SF3B3: variants seen among roughly 807,000 people sequenced by gnomAD.
SF3B3 encodes SAP 130.
Under a neutral mutation model 139.2 loss-of-function variants are expected in SF3B3, and 33 were observed. The observed-to-expected ratio is 0.24, with a 90% CI of 0.18 to 0.32. The LOEUF is 0.32. Among genes scored for constraint, SF3B3 ranks in the 10% least tolerant of loss-of-function variants. The probability of loss-of-function intolerance (pLI) is 1.00; values close to 1 mark genes in which losing one functional copy is unlikely to be tolerated. For synonymous variants in SF3B3, 596 were observed against 563.6 expected, an observed-to-expected ratio of 1.06 and a Z score of -0.81; for missense variants, 818 against 1,509.4, an observed-to-expected ratio of 0.54 and a Z score of 7.59.
chr16:70,557,133 C>T (rs1226249393), intron 15 of SF3B3, 104 bp downstream of exon 15: 8 of 1,247,126 alleles, frequency 6.4e-6, no homozygotes, highest in Non-Finnish European at 7.7e-6. Flanking sequence ...GTTTCAGATC[C>T]TCACCTTATG....
chr16:70,535,237 A>G (rs143523192), intron 5 of SF3B3, 71 bp from the exon 6 acceptor site: 3 of 684,440 alleles, frequency 4.4e-6, no homozygotes, highest in Non-Finnish European at 7.6e-6. Flanking sequence ...GCTGAAAGAG[A>G]GGAGGAGTTG....
chr16:70,535,816 A>G (rs988432393), intron 6 of SF3B3, among the ~76,000 whole-genome samples: 16 of 152,084 alleles, frequency 1.1e-4, no homozygotes, highest in Non-Finnish European at 5.9e-5. Flanking sequence ...AAAACAATGA[A>G]CAATGAATTC....
rs559370627 is a variant in SF3B3 at position 70,562,224 on chromosome 16, T to C, written c.2288+440T>C. 4.4e-4 allele frequency among the ~76,000 whole-genome samples: 67 copies of C among 152,326 alleles called. 1 individual carries two copies. Among genetic ancestry groups the C allele is most frequent in the African/African-American group, 1.5e-3 (64 of 41,590 alleles). The stretch of plus-strand genomic sequence containing the variant: ...AAACTGTTCTTCCTGGTAATATTGA[T>C]GTGAAGTTTGAGCACTGTATGTAAT... On this transcript the variant is annotated intron_variant, in intron 17 of 25. Transcript: ENST00000302516.
intron 8 of SF3B3, 114 bp from the exon 9 acceptor site, chr16:70,541,555 A>G: frequency 1.2e-6 from 1 of 831,856 alleles, no homozygotes; most frequent in Non-Finnish European, 1.9e-6. Flanking sequence ...ACCTAAAAAT[A>G]ATAACAATAG....
chr16:70,544,404 A>G (rs1472093521), intron 9 of SF3B3, 34 bp from the exon 10 acceptor site: 2 of 1,259,548 alleles, frequency 1.6e-6, no homozygotes, highest in Admixed American at 3.5e-5. Flanking sequence ...ACAGCACTGG[A>G]GACATTTTTT....
At chr16:70,560,948 CA>C (rs1332373666) in intron 16 of SF3B3, among the ~76,000 whole-genome samples, 1 of 152,140 alleles carries the variant, frequency 6.6e-6, no homozygotes, top group Non-Finnish European at 1.5e-5. Context: ...GACTGGGAAA[CA>C]TTGTGTCCTT....
chr16:70,543,408 CAAAAA>C (rs34604227), intron 9 of SF3B3, among the ~76,000 whole-genome samples: 1 of 141,894 alleles, frequency 7.0e-6, no homozygotes, highest in Admixed American at 7.0e-5. Flanking sequence ...AACCCCGTCT[CAAAAA>C]AGAAAAAAAA....
At chr16:70,567,811 A>G (rs894692878) in intron 21 of SF3B3, among the ~76,000 whole-genome samples, 13 of 152,000 alleles carry the variant, frequency 8.6e-5, no homozygotes, top group African/African-American at 3.1e-4. Flanking sequence ...TCAGCCTCCC[A>G]AGTAGCTGGG....
Position 70,532,599 on chromosome 16 carries a change from C to G in SF3B3, c.691C>G (p.His231Asp). The change falls in exon 5 of 26, where the codon CAC (histidine) becomes GAC (aspartate). Residue 231 changes from histidine (H) to aspartate (D), a missense_variant. Coordinates refer to ENST00000302516, the MANE Select transcript of SF3B3 (RefSeq NM_012426.5). ...AAAATACAGTGAACCTTTGGAGGAA[C>G]ACGGCAACTTCCTTATTACAGGTAC... Reference protein sequence around the residue: ...VRKYSEPLEEHGNFLITVPGG... With the variant: ...VRKYSEPLEEDGNFLITVPGG... The G allele has an allele frequency of 6.2e-7, 1 of 1,614,160 alleles. No homozygotes were observed. Among genetic ancestry groups the G allele is most frequent in the Non-Finnish European group, 8.5e-7 (1 of 1,180,008 alleles).
chr16:70,567,364 TCTGG>T (rs1346596790), intron 20 of SF3B3, 43 bp from the exon 21 acceptor site: 1 of 1,581,220 alleles, frequency 6.3e-7, no homozygotes, highest in Admixed American at 1.8e-5. Context: ...GAGGCCTGTG[TCTGG>T]CTGGCATTTA....
intron 6 of SF3B3, among the ~76,000 whole-genome samples, chr16:70,537,610 G>T (rs1191650903): frequency 6.6e-6 from 1 of 152,206 alleles, no homozygotes; most frequent in Non-Finnish European, 1.5e-5. Context: ...AACCTTAGAA[G>T]AAATTTGGCA....
At chr16:70,563,731 A>G in intron 17 of SF3B3, 145 bp from the exon 18 acceptor site, 1 of 688,568 alleles carries the variant, frequency 1.5e-6, no homozygotes, top group Non-Finnish European at 2.5e-6. Flanking sequence ...AGTTTTCTAG[A>G]GTAGGAGGCT....
chr16:70,526,955 T>C (rs2050070267), intron 2 of SF3B3: 2 of 581,362 alleles, frequency 3.4e-6, no homozygotes, highest in East Asian at 2.9e-5. Flanking sequence ...GGCACACTTT[T>C]CTTGGCTGCT....
chr16:70,570,156 G>A lies in SF3B3; in HGVS notation c.3408+7G>A. 1.9e-6 allele frequency: 3 copies of A among 1,614,052 alleles called. No homozygotes were observed. The South Asian group carries it at 3.3e-5, about 18-fold the overall frequency. ...GCCATTCACGTCCCATGAGGTGAGA[G>A]CGCCCACATTACTCTGGCCTTGACT... is the stretch of plus-strand genomic sequence containing the variant. On this transcript the variant is annotated splice_region_variant and intron_variant, in intron 24 of 25. Coordinates refer to ENST00000302516, the MANE Select transcript of SF3B3 (RefSeq NM_012426.5).
intron 13 of SF3B3, 103 bp from the exon 14 acceptor site, chr16:70,556,076 A>T (rs1202999379): frequency 8.5e-7 from 1 of 1,173,138 alleles, no homozygotes; most frequent in Non-Finnish European, 1.2e-6. Context: ...AACAAAATAC[A>T]ACAGCCCTCC....
At position 70,575,194 on chromosome 16, in the gene SF3B3, TTC is replaced by T. The variant is rs2050566819; in HGVS notation, c.*3383_*3384del. The stretch of plus-strand genomic sequence containing the variant: ...TTTTTTCTTTTTCTTTTTCTTTTTT[TTC>T]TTTTTTTTTTTTTTTTTTTTGAGAT... On this transcript the variant is annotated 3_prime_UTR_variant, in exon 26 of 26. Coordinates refer to ENST00000302516, the MANE Select transcript of SF3B3 (RefSeq NM_012426.5). The T allele has an allele frequency of 6.9e-6, 1 of 145,156 alleles. No homozygotes were observed. The allele number at this position is 145,156 out of a possible 1,614,324, so 9.0% of individuals were successfully genotyped here.
intron 17 of SF3B3, among the ~76,000 whole-genome samples, chr16:70,562,975 G>A (rs768966263): frequency 2.5e-4 from 38 of 152,006 alleles, no homozygotes; most frequent in African/African-American, 5.1e-4. Context: ...GACTGTAGGC[G>A]CATGCCATCA....
At chr16:70,556,446 T>C (rs927556757) in intron 14 of SF3B3, 112 bp downstream of exon 14, 2 of 1,225,044 alleles carry the variant, frequency 1.6e-6, no homozygotes, top group African/African-American at 3.0e-5. Context: ...TCAGCTGGGT[T>C]AGAACCCAGA....
chr16:70,540,170 G>A (rs914750292), intron 8 of SF3B3, among the ~76,000 whole-genome samples: 8 of 149,340 alleles, frequency 5.4e-5, no homozygotes, highest in African/African-American at 1.5e-4. Context: ...TGAGGCGGGC[G>A]GATCACCTGA....
Sources: allele counts gnomAD v4.1 joint callset (sites outside exome capture counted in the v4.1 genomes callset), GRCh38; gene constraint gnomAD v4.1.1; transcripts MANE v1.5; gene names NCBI Gene and HGNC (gene_info 2026-07-23, HGNC 2026-07-21).